Variants in HDAC9 observed in about 807,000 individuals in gnomAD.
HDAC9 encodes the protein histone deacetylase 9.
In HDAC9, 41 loss-of-function variants were observed where a neutral mutation model predicts 139.4. The ratio of observed to expected loss-of-function variants is 0.29; its 90% CI spans 0.23 to 0.38. The LOEUF (loss-of-function observed/expected upper bound fraction) is 0.38, where lower values mean the gene tolerates loss of function less well. Among genes scored for constraint, HDAC9 ranks in the 10% least tolerant of loss-of-function variants. HDAC9 has a pLI of 1.00. For missense variants in HDAC9, 1,147 were observed against 1,297.0 expected (o/e 0.88, Z 1.78); for synonymous variants, 517 against 476.2 (o/e 1.09, Z -1.12).
intron 1 of HDAC9, among the ~76,000 whole-genome samples, chr7:18,112,088 C>G (rs1584109953): frequency 6.6e-6 from 1 of 152,084 alleles, no homozygotes; most frequent in Non-Finnish European, 1.5e-5. Context: ...GCTCATCCTC[C>G]CTAATTATTT....
At chr7:18,841,401 T>TAAC (rs1179188060) in intron 21 of HDAC9, among the ~76,000 whole-genome samples, 1 of 152,116 alleles carries the variant, frequency 6.6e-6, no homozygotes, top group African/African-American at 2.4e-5. Flanking sequence ...ATAATAATAA[T>TAAC]AACACAGTAA....
At chr7:18,670,089 T>G (rs1368302004) in intron 12 of HDAC9, among the ~76,000 whole-genome samples, 1 of 151,940 alleles carries the variant, frequency 6.6e-6, no homozygotes, top group African/African-American at 2.4e-5. Flanking sequence ...TTTCAATAAT[T>G]GAAGTGTACA....
At chr7:18,506,514 G>GTA (rs1387248345) in intron 2 of HDAC9, among the ~76,000 whole-genome samples, 1 of 151,516 alleles carries the variant, frequency 6.6e-6, no homozygotes, top group South Asian at 2.1e-4. Context: ...TATTGAAAGT[G>GTA]TATATATATC....
At chr7:18,617,242 A>C (rs1838876208) in intron 6 of HDAC9, among the ~76,000 whole-genome samples, 1 of 151,972 alleles carries the variant, frequency 6.6e-6, no homozygotes, top group Non-Finnish European at 1.5e-5. Flanking sequence ...TAGTCTTCCT[A>C]CCCTCTAAAA....
In HDAC9 at chr7:18,214,230, A is replaced by G. The variant is rs545579835; in HGVS notation, c.25+51881A>G. 2.6e-5 allele frequency among the ~76,000 whole-genome samples: 4 copies of G among 152,236 alleles called. No individual in the cohort carries two copies. The East Asian group carries it at 7.7e-4, about 29-fold the overall frequency. On this transcript the variant is annotated intron_variant, in intron 2 of 12. Coordinates refer to the HDAC9 transcript ENST00000417496. ...TTATCACTAGAATGATGATTATTCA[A>G]CATCATACAGAAAGTATTACAGCCA... is the stretch of plus-strand genomic sequence containing the variant.
chr7:18,233,321 A>G (rs891806686), intron 2 of HDAC9, among the ~76,000 whole-genome samples: 4 of 152,050 alleles, frequency 2.6e-5, no homozygotes, highest in African/African-American at 9.7e-5. Context: ...TTGAGGACTT[A>G]AATAGAAGAG....
chr7:18,239,209 T>A (rs1794025775), intron 2 of HDAC9, among the ~76,000 whole-genome samples: 1 of 151,982 alleles, frequency 6.6e-6, no homozygotes, highest in Non-Finnish European at 1.5e-5. Flanking sequence ...AAAACTGAGA[T>A]CATGTGCAAA....
chr7:18,643,824 G>A (rs1198803079), intron 8 of HDAC9, among the ~76,000 whole-genome samples: 1 of 151,964 alleles, frequency 6.6e-6, no homozygotes, highest in Non-Finnish European at 1.5e-5. Flanking sequence ...TCTTTTTCAG[G>A]GATGTTGTTC....
At chr7:18,694,581 G>A (rs1782903281) in intron 12 of HDAC9, among the ~76,000 whole-genome samples, 1 of 152,122 alleles carries the variant, frequency 6.6e-6, no homozygotes, top group African/African-American at 2.4e-5. Context: ...AGACTTCTAA[G>A]AGATGGGAGT....
intron 19 of HDAC9, among the ~76,000 whole-genome samples, chr7:18,829,929 TC>T (rs5882681): frequency 0.46 from 70,276 of 151,946 alleles, 16,993 homozygotes; most frequent in African/African-American, 0.61. Flanking sequence ...ATTGGCCACT[TC>T]CCCCTGGTTA....
chr7:18,984,665 CA>C (rs1052317766), intron 25 of HDAC9, among the ~76,000 whole-genome samples: 1 of 151,972 alleles, frequency 6.6e-6, no homozygotes, highest in Non-Finnish European at 1.5e-5. Context: ...CATGAAATAT[CA>C]ATGAAATGGG....
intron 1 of HDAC9, among the ~76,000 whole-genome samples, chr7:18,295,787 A>T (rs918605602): frequency 5.9e-5 from 9 of 152,108 alleles, no homozygotes; most frequent in African/African-American, 2.2e-4. Context: ...GTCTAGAGAT[A>T]TTTTTGATTA....
chr7:18,227,789 A>G (rs1338268982), intron 2 of HDAC9, among the ~76,000 whole-genome samples: 2 of 152,180 alleles, frequency 1.3e-5, no homozygotes, highest in East Asian at 3.8e-4. Context: ...TAGCTTCTAA[A>G]GGTTTTCTCC....
chr7:18,746,734 C>T (rs1356063372), intron 13 of HDAC9, among the ~76,000 whole-genome samples: 4 of 152,118 alleles, frequency 2.6e-5, no homozygotes, highest in African/African-American at 9.7e-5. Context: ...TGAGGACCGG[C>T]TTTATTTAAG....
chr7:18,141,348 A>G (rs552552834), intron 1 of HDAC9, among the ~76,000 whole-genome samples: 3 of 152,298 alleles, frequency 2.0e-5, no homozygotes, highest in Admixed American at 2.0e-4. Context: ...GTTTAAAATT[A>G]TCTGGAAATC....
At chr7:18,942,801 T>G (rs1195132647) in intron 23 of HDAC9, among the ~76,000 whole-genome samples, 3 of 151,794 alleles carry the variant, frequency 2.0e-5, no homozygotes, top group South Asian at 2.1e-4. Context: ...AATCAGCAAA[T>G]ACTACAAATT....
intron 2 of HDAC9, among the ~76,000 whole-genome samples, chr7:18,196,119 T>C (rs1247704319): frequency 6.6e-6 from 1 of 152,212 alleles, no homozygotes; most frequent in Non-Finnish European, 1.5e-5. Context: ...TTGAGAGTAA[T>C]ACCTCTTTAT....
At position 18,928,320 on chromosome 7, in the gene HDAC9, T is replaced by G. The variant is rs189084114; in HGVS notation, c.2804-7489T>G. On this transcript the variant is annotated intron_variant, in intron 22 of 25. Coordinates refer to ENST00000686413, the MANE Select transcript of HDAC9 (RefSeq NM_178425.4). ...TTAGGTTATTCAAAATAGGCATTGC[T>G]AAATATACATGGGTTCTAAAAGAAA... Among the ~76,000 whole-genome samples the G allele has an allele frequency of 2.8e-3, 422 of 152,346 alleles. 4 individuals are homozygous for G. Among genetic ancestry groups the G allele is most frequent in the African/African-American group, 9.1e-3 (380 of 41,596 alleles).
intron 13 of HDAC9, among the ~76,000 whole-genome samples, chr7:18,745,896 T>G (rs1042506053): frequency 7.0e-6 from 1 of 143,616 alleles, no homozygotes; most frequent in African/African-American, 2.7e-5. Context: ...TTTTTTTTTT[T>G]TTTTTTTTTT....
Sources: allele counts gnomAD v4.1 joint callset (sites outside exome capture counted in the v4.1 genomes callset), GRCh38; gene constraint gnomAD v4.1.1; transcripts MANE v1.5; gene names NCBI Gene and HGNC (gene_info 2026-07-23, HGNC 2026-07-21).